The following LRRC49 variants were observed in gnomAD, a reference collection of about 807,000 sequenced individuals.
The protein encoded by LRRC49 is leucine rich repeat containing 49.
LRRC49 carries 50 observed loss-of-function variants against 83.3 expected under a neutral mutation model. That is an observed-to-expected ratio of 0.60 (90% CI 0.48 to 0.76). LRRC49 has a LOEUF of 0.76. Ranked by LOEUF, LRRC49 falls within the 30% of genes least tolerant of loss-of-function variation. LRRC49 has a pLI of 0.00. For synonymous variants in LRRC49, 286 were observed against 283.3 expected, an observed-to-expected ratio of 1.01 and a Z score of -0.10; for missense variants, 704 against 809.1, an observed-to-expected ratio of 0.87 and a Z score of 1.58.
At chr15:70,998,289 C>T (rs937734086) in intron 11 of LRRC49, among the ~76,000 whole-genome samples, 1 of 152,094 alleles carries the variant, frequency 6.6e-6, no homozygotes, top group East Asian at 1.9e-4. Flanking sequence ...GTTATTTCTT[C>T]GTATGACTTC....
intron 9 of LRRC49, among the ~76,000 whole-genome samples, chr15:70,970,225 A>T (rs998909550): frequency 3.3e-5 from 5 of 152,132 alleles, no homozygotes; most frequent in Non-Finnish European, 7.3e-5. Context: ...TTCTGCATCT[A>T]TTGAGATAAT....
chr15:70,938,490 C>T (rs1018182953), intron 8 of LRRC49, among the ~76,000 whole-genome samples: 2 of 152,082 alleles, frequency 1.3e-5, no homozygotes, highest in African/African-American at 2.4e-5. Flanking sequence ...TTTTGAGGCA[C>T]AGTATGTTTC....
chr15:71,048,422 A>G (rs2039919817), intron 15 of LRRC49, among the ~76,000 whole-genome samples: 1 of 152,112 alleles, frequency 6.6e-6, no homozygotes, highest in Non-Finnish European at 1.5e-5. Flanking sequence ...AGCTCATTTA[A>G]TTTATCTTGA....
upstream of LRRC49, chr15:70,891,896 C>T (rs2141093449): frequency 6.2e-7 from 1 of 1,612,826 alleles, no homozygotes; most frequent in East Asian, 2.2e-5. Context: ...GGAGACTGGA[C>T]CTGGGGCAGC....
At chr15:70,886,857 CTCTG>C (rs2033422366) in intron 2 of LRRC49, among the ~76,000 whole-genome samples, 2 of 150,938 alleles carry the variant, frequency 1.3e-5, no homozygotes, top group Admixed American at 6.6e-5. Flanking sequence ...CAGAGTGAGC[CTCTG>C]TCTAAAAAAG....
At chr15:70,988,675 C>T (rs570758003) in intron 11 of LRRC49, among the ~76,000 whole-genome samples, 2,057 of 151,744 alleles carry the variant, frequency 0.014, 45 homozygotes, top group African/African-American at 0.048. Context: ...TTGATCCTGT[C>T]ATTATGATGT....
intron 1 of LRRC49, 32 bp from the exon 2 acceptor site, chr15:70,893,552 G>T: frequency 2.0e-6 from 3 of 1,465,264 alleles, no homozygotes; most frequent in Non-Finnish European, 2.8e-6. Context: ...TGTATTAAGA[G>T]CAAATTTTAT....
At chr15:70,977,688 AGACAC>A (rs1219283043) in intron 9 of LRRC49, among the ~76,000 whole-genome samples, 1 of 152,174 alleles carries the variant, frequency 6.6e-6, no homozygotes, top group Admixed American at 6.6e-5. Flanking sequence ...ATATTGTAAA[AGACAC>A]TTTAAATTCA....
intron 1 of LRRC49, among the ~76,000 whole-genome samples, chr15:70,866,206 G>A (rs2032908049): frequency 6.6e-6 from 1 of 151,890 alleles, no homozygotes; most frequent in African/African-American, 2.4e-5. Context: ...GGAGTGCAGT[G>A]GTGCGATCTT....
rs537621323 is a variant in LRRC49, at chr15:70,860,294, C to G, written c.-299+6825C>G. On this transcript the variant is annotated intron_variant, in intron 1 of 16. Coordinates refer to the LRRC49 transcript ENST00000544974. ...TCAGCCCAAGCCCTCAGCCCACCCGCGGGGGAGTTTACTGCCTGGGGACAC... is the reference window on the plus strand; with the variant it reads ...TCAGCCCAAGCCCTCAGCCCACCCGGGGGGGAGTTTACTGCCTGGGGACAC... 1.1e-5 allele frequency: 6 copies of G among 531,374 alleles called. No individual in the cohort carries two copies. In the South Asian group the frequency reaches 1.4e-4, roughly 12 times the overall value. 32.9% of individuals were successfully genotyped at this position (531,374 alleles called of 1,614,324 possible). A position where few individuals can be genotyped will look rare whatever the true frequency, so the allele number is the denominator to read the frequency against.
At chr15:70,943,010 C>T (rs1407186275) in intron 8 of LRRC49, among the ~76,000 whole-genome samples, 1 of 151,874 alleles carries the variant, frequency 6.6e-6, no homozygotes, top group African/African-American at 2.4e-5. Flanking sequence ...CTTTTTTTCT[C>T]GTTAATATAT....
At chr15:71,033,876 C>T (rs533237633) in intron 14 of LRRC49, among the ~76,000 whole-genome samples, 2 of 152,010 alleles carry the variant, frequency 1.3e-5, no homozygotes, top group Admixed American at 1.3e-4. Flanking sequence ...ACACCTTACA[C>T]AAAAATTCTC....
Position 70,940,388 on chromosome 15 carries a change from T to C in LRRC49, c.773+3566T>C, listed in dbSNP as rs559756495. Among the ~76,000 whole-genome samples the C allele has an allele frequency of 2.0e-5, 3 of 151,974 alleles. No homozygotes were observed. In the East Asian group the frequency reaches 5.9e-4, roughly 30 times the overall value. On this transcript the variant is annotated intron_variant, in intron 8 of 15. Transcript: ENST00000260382. ...TCTCCTGCCTCAGCCTCCTGAGTAG[T>C]TGGGACTACAGGCGCCCGCCACCAT...
chr15:70,943,860 A>T (rs1006272858), intron 8 of LRRC49, among the ~76,000 whole-genome samples: 1 of 152,130 alleles, frequency 6.6e-6, no homozygotes, highest in African/African-American at 2.4e-5. Flanking sequence ...TTCTTATTTT[A>T]GAGAAACAGT....
At chr15:70,859,333 G>C (rs1415076222) in intron 1 of LRRC49, 7 of 783,108 alleles carry the variant, frequency 8.9e-6, no homozygotes, top group Non-Finnish European at 1.4e-5. Context: ...ACATGAACAA[G>C]ATAGAGCTGG....
chr15:70,899,253 C>T (rs1254154917), intron 3 of LRRC49, among the ~76,000 whole-genome samples: 5 of 152,082 alleles, frequency 3.3e-5, no homozygotes, highest in Admixed American at 3.3e-4. Flanking sequence ...ATTCAGAAAA[C>T]CTAACTAATG....
intron 11 of LRRC49, among the ~76,000 whole-genome samples, chr15:71,005,702 A>G (rs1369872177): frequency 1.3e-5 from 2 of 152,156 alleles, no homozygotes; most frequent in African/African-American, 4.8e-5. Flanking sequence ...ATTTAGTGGC[A>G]TGTGCCAGAA....
intron 14 of LRRC49, among the ~76,000 whole-genome samples, chr15:71,019,048 C>G (rs2038913887): frequency 6.6e-6 from 1 of 152,198 alleles, no homozygotes; most frequent in African/African-American, 2.4e-5. Context: ...CCTCTCCAGG[C>G]ATACCACCCT....
chr15:70,882,799 G>T, intron 2 of LRRC49: 1 of 1,614,164 alleles, frequency 6.2e-7, no homozygotes, highest in East Asian at 2.2e-5. Context: ...AGAAATTTGT[G>T]TACTTTTATG....
Sources: allele counts gnomAD v4.1 joint callset (sites outside exome capture counted in the v4.1 genomes callset), GRCh38; gene constraint gnomAD v4.1.1; transcripts MANE v1.5; gene names NCBI Gene and HGNC (gene_info 2026-07-23, HGNC 2026-07-21).